Variants in USP25 observed in about 807,000 individuals in gnomAD.
The protein encoded by USP25 is ubiquitin carboxyl-terminal hydrolase 25.
In USP25, 85 loss-of-function variants were observed where a neutral mutation model predicts 158.5. The observed-to-expected ratio is 0.54, with a 90% CI of 0.45 to 0.64. The LOEUF is 0.64. USP25 is among the 30% of genes least tolerant of loss of function. The pLI is 0.00. For missense variants in USP25, 1,242 were observed against 1,327.3 expected (o/e 0.94, Z 1.00); for synonymous variants, 464 against 460.4 (o/e 1.01, Z -0.10).
chr21:15,873,153 A>G (rs1267577199), intron 23 of USP25, among the ~76,000 whole-genome samples: 1 of 152,034 alleles, frequency 6.6e-6, no homozygotes, highest in Non-Finnish European at 1.5e-5. Context: ...TCTGTTGCGC[A>G]GGCTGGAATG....
At chr21:15,817,018 G>A (rs976157438) in intron 9 of USP25, among the ~76,000 whole-genome samples, 1 of 151,890 alleles carries the variant, frequency 6.6e-6, no homozygotes, top group African/African-American at 2.4e-5. Context: ...TGTAATCCCA[G>A]CTACTAGAGA....
chr21:15,826,921 T>C lies in USP25; in HGVS notation c.1467-56T>C. The C allele has an allele frequency of 6.3e-7, 1 of 1,578,408 alleles. No individual in the cohort carries two copies. The highest frequency in any genetic ancestry group is 2.2e-5 in the East Asian group (1 of 44,624). ...TAATACTGTGGGTTTGGCACGATCT[T>C]TGTCAAGAGTTTCAGCTTGAAAGGT... is the stretch of plus-strand genomic sequence containing the variant. On this transcript the variant is annotated intron_variant, in intron 13 of 25. Transcript: ENST00000400183. The surrounding 1 kb of genome is among the most constrained non-coding windows in gnomAD (Gnocchi z 4.8).
chr21:15,763,068 G>A (rs2033829925), intron 2 of USP25, 100 bp downstream of exon 2: 2 of 1,093,778 alleles, frequency 1.8e-6, no homozygotes, highest in Non-Finnish European at 1.3e-6. Context: ...ATACCATGTG[G>A]TAGTTTTAGA....
chr21:15,749,070 T>C (rs1023043492), intron 1 of USP25, among the ~76,000 whole-genome samples: 34 of 152,210 alleles, frequency 2.2e-4, no homozygotes, highest in African/African-American at 7.7e-4. Flanking sequence ...GATATTTCCA[T>C]GTTGAACTGA....
chr21:15,760,237 G>T (rs887793339), intron 1 of USP25, among the ~76,000 whole-genome samples: 4 of 152,264 alleles, frequency 2.6e-5, no homozygotes, highest in African/African-American at 9.6e-5. Flanking sequence ...TTGTAGGTGG[G>T]GCTTGTTAAA....
chr21:15,866,281 G>A lies in USP25; in HGVS notation c.2742G>A (p.Met914Ile). ...TTTTTTTAAGGTGTCACAACATAAT[G>A]AAAGTTGCTCAAGCCAAACTGGAAA... ...LSFDERCHNI[M>I]KVAQAKLEMI... Residue 914 changes from methionine (M) to isoleucine (I), a missense_variant, in exon 22 of 26, where the codon ATG becomes ATA. Met to Ile is a conservative substitution (Grantham distance 10). Transcript: ENST00000400183. 2 of 1,603,480 alleles carry A rather than the reference G, an allele frequency of 1.2e-6. No homozygotes were observed. Among genetic ancestry groups the A allele is most frequent in the Non-Finnish European group, 1.7e-6 (2 of 1,174,914 alleles).
In USP25 at chr21:15,849,631, G is replaced by A; in HGVS notation, c.2452-146G>A. On this transcript the variant is annotated intron_variant, in intron 19 of 25. Coordinates refer to ENST00000400183, the MANE Select transcript of USP25 (RefSeq NM_001283041.3). ...CCCTGTATGGATGATCTTAAAAGGTGCTTACATGCATATTGGATTAAATTT... is the reference window on the plus strand; with the variant it reads ...CCCTGTATGGATGATCTTAAAAGGTACTTACATGCATATTGGATTAAATTT... 5.1e-6 allele frequency: 3 copies of A among 586,490 alleles called. No individual in the cohort carries two copies. In the South Asian group the frequency reaches 7.7e-5, roughly 15 times the overall value. 36.3% of individuals were successfully genotyped at this position (586,490 alleles called of 1,614,324 possible).
intron 1 of USP25, among the ~76,000 whole-genome samples, chr21:15,762,649 G>A (rs2033799182): frequency 6.6e-6 from 1 of 152,200 alleles, no homozygotes; most frequent in South Asian, 2.1e-4. Flanking sequence ...TTATTGGGGA[G>A]TAATGTAGAG....
intron 23 of USP25, among the ~76,000 whole-genome samples, chr21:15,872,408 C>T (rs1328007203): frequency 6.6e-6 from 1 of 152,160 alleles, no homozygotes; most frequent in African/African-American, 2.4e-5. Context: ...CAGAGCAATT[C>T]TCAAAGAGGT....
intron 11 of USP25, among the ~76,000 whole-genome samples, 182 bp from the exon 12 acceptor site, chr21:15,824,784 T>G (rs2037414227): frequency 6.6e-6 from 1 of 152,230 alleles, no homozygotes; most frequent in South Asian, 2.1e-4. Context: ...GGCTGGCTAA[T>G]TTTTGTATTT....
chr21:15,819,495 A>G (rs918333433), intron 10 of USP25, among the ~76,000 whole-genome samples: 5 of 152,098 alleles, frequency 3.3e-5, no homozygotes, highest in Non-Finnish European at 5.9e-5. Flanking sequence ...TGCTTCCCCA[A>G]TCAGTTACTG....
At chr21:15,733,109 C>G (rs1326874287) in intron 1 of USP25, among the ~76,000 whole-genome samples, 1 of 124,508 alleles carries the variant, frequency 8.0e-6, no homozygotes, top group African/African-American at 3.1e-5. Context: ...GATTCAAGTT[C>G]CAAATGAGGA....
chr21:15,862,672 CTTAAATA>C (rs1430893962), intron 20 of USP25, among the ~76,000 whole-genome samples: 2 of 143,576 alleles, frequency 1.4e-5, no homozygotes, highest in African/African-American at 5.1e-5. Context: ...CGTTGATAAT[CTTAAATA>C]TTAAAATACA....
chr21:15,739,751 T>G (rs373264045), intron 1 of USP25, among the ~76,000 whole-genome samples: 1 of 152,200 alleles, frequency 6.6e-6, no homozygotes, highest in African/African-American at 2.4e-5. Context: ...ATTTTTGTTA[T>G]GTTTGAAGGA....
rs928450203 is a variant in USP25, at chr21:15,847,896, C to A, written c.2451+120C>A. Reference sequence around the variant, plus strand: ...TTGCCACATAACATACAGCTTTGCCCCCTCATAGTCCAAAATTACTTTACC... The same window carrying A: ...TTGCCACATAACATACAGCTTTGCCACCTCATAGTCCAAAATTACTTTACC... On this transcript the variant is annotated intron_variant, in intron 19 of 25. Coordinates refer to ENST00000400183, the MANE Select transcript of USP25 (RefSeq NM_001283041.3). The A allele has an allele frequency of 7.3e-5, 35 of 479,792 alleles. No individual in the cohort carries two copies. The Admixed American group carries it at 1.2e-3, about 16-fold the overall frequency. 29.7% of individuals were successfully genotyped at this position (479,792 alleles called of 1,614,324 possible).
intron 12 of USP25, among the ~76,000 whole-genome samples, chr21:15,825,505 A>G (rs1410491762): frequency 6.6e-6 from 1 of 152,128 alleles, no homozygotes; most frequent in Non-Finnish European, 1.5e-5. Flanking sequence ...GAGCCTAGAG[A>G]GCAATCTGTG....
rs1470602360 is a variant in USP25, at chr21:15,846,150, A to T, written c.2338-1513A>T. Among the ~76,000 whole-genome samples, 25 of 61,106 alleles carry T rather than the reference A, an allele frequency of 4.1e-4. 2 individuals carry two copies. Among genetic ancestry groups the T allele is most frequent in the African/African-American group, 2.8e-3 (19 of 6,762 alleles). 40.1% of individuals were successfully genotyped at this position (61,106 alleles called of 152,430 possible). On this transcript the variant is annotated intron_variant, in intron 18 of 25. Transcript: ENST00000400183. Reference sequence around the variant, plus strand: ...TATATATATATATATATATATATATATATATATATTTTTTTTTTTTTTTTT... The same window carrying T: ...TATATATATATATATATATATATATTTATATATATTTTTTTTTTTTTTTTT...
chr21:15,849,527 G>A lies in USP25; in HGVS notation c.2452-250G>A, dbSNP rs144952487. ...TTCTAATTTGTTTGTCTAGAAGCAG[G>A]GTGCCTTTTTCAAATTCTCCAATTC... On this transcript the variant is annotated intron_variant, in intron 19 of 25. Coordinates refer to ENST00000400183, the MANE Select transcript of USP25 (RefSeq NM_001283041.3). Among the ~76,000 whole-genome samples the A allele has an allele frequency of 1.6e-3, 251 of 152,178 alleles. 2 individuals carry two copies. Among genetic ancestry groups the A allele is most frequent in the African/African-American group, 5.3e-3 (221 of 41,530 alleles).
intron 10 of USP25, among the ~76,000 whole-genome samples, chr21:15,820,226 G>T (rs1253040257): frequency 1.3e-5 from 2 of 152,028 alleles, no homozygotes; most frequent in Non-Finnish European, 2.9e-5. Context: ...GGGTAGTAAG[G>T]CAGGGATGGT....
Sources: gnomAD v4.1 joint callset for allele counts (sites outside exome capture counted in the v4.1 genomes callset) on GRCh38, gnomAD v4.1.1 for gene constraint, Gnocchi (gnomAD v3.1) non-coding constraint, MANE v1.5 for transcripts, NCBI Gene and HGNC (gene_info 2026-07-23, HGNC 2026-07-21) for gene names.